NR5A2: variants seen among roughly 807,000 people sequenced by gnomAD.
The protein encoded by NR5A2 is nuclear receptor subfamily 5 group A member 2, also known as CYP7A promoter-binding factor.
A neutral mutation model predicts 62.7 loss-of-function variants in NR5A2; 26 were observed. The observed-to-expected ratio is 0.41, with a 90% CI of 0.30 to 0.58. The LOEUF (loss-of-function observed/expected upper bound fraction) is 0.58, where lower values mean the gene tolerates loss of function less well. NR5A2 is among the 20% of genes least tolerant of loss of function. The pLI, the probability that NR5A2 is intolerant of heterozygous loss-of-function variation, is 0.22. For synonymous variants in NR5A2, 246 were observed against 241.7 expected, an observed-to-expected ratio of 1.02 and a Z score of -0.16; for missense variants, 541 against 669.1, an observed-to-expected ratio of 0.81 and a Z score of 2.11.
At chr1:200,142,494 C>A (rs4915193) in intron 7 of NR5A2, among the ~76,000 whole-genome samples, 43,638 of 151,572 alleles carry the variant, frequency 0.29, 6,518 homozygotes, top group Admixed American at 0.35. Context: ...CTGCGCCCAG[C>A]CTAAAGACTT....
chr1:200,169,574 T>TAATATA (rs1654076199), intron 7 of NR5A2, among the ~76,000 whole-genome samples: 1 of 152,190 alleles, frequency 6.6e-6, no homozygotes, highest in Admixed American at 6.5e-5. Flanking sequence ...AAGGGTTTAC[T>TAATATA]TTCCAATAAG....
chr1:200,128,767 G>A (rs80103828), intron 7 of NR5A2, among the ~76,000 whole-genome samples: 2,253 of 152,178 alleles, frequency 0.015, 65 homozygotes, highest in African/African-American at 0.051. Flanking sequence ...AAGTACAGCC[G>A]TCCGCTTTCC....
intron 7 of NR5A2, among the ~76,000 whole-genome samples, chr1:200,168,554 TA>T: frequency 6.6e-6 from 1 of 152,164 alleles, no homozygotes; most frequent in Non-Finnish European, 1.5e-5. Flanking sequence ...TTGGTAAAAA[TA>T]ACTCTTGGGT....
At chr1:200,104,252 G>A (rs146370538) in intron 5 of NR5A2, among the ~76,000 whole-genome samples, 224 of 152,264 alleles carry the variant, frequency 1.5e-3, no homozygotes, top group Non-Finnish European at 2.3e-3. Context: ...TGACTAGGGC[G>A]TTTTACTGGC....
intron 6 of NR5A2, among the ~76,000 whole-genome samples, chr1:200,116,678 T>A (rs754875416): frequency 2.6e-5 from 4 of 152,194 alleles, no homozygotes; most frequent in Non-Finnish European, 5.9e-5. Context: ...TCTACATAAA[T>A]GTATATTAAA....
At chr1:200,123,421 A>G (rs1571515732) in intron 7 of NR5A2, among the ~76,000 whole-genome samples, 1 of 152,194 alleles carries the variant, frequency 6.6e-6, no homozygotes, top group Non-Finnish European at 1.5e-5. Flanking sequence ...ATACGGCTTG[A>G]GGGAAGCAGC....
Position 200,176,478 on chromosome 1 carries a change from T to C in NR5A2, c.*2268T>C, listed in dbSNP as rs1044505683. ...GCATTACAGAGAACAGCAGCATCAT[T>C]GCCCTCCCCAGCTGAAAAACAAGTT... is the stretch of plus-strand genomic sequence containing the variant. On this transcript the variant is annotated 3_prime_UTR_variant, in exon 8 of 8. Transcript: ENST00000367362. 1 of 152,334 alleles carries C rather than the reference T, an allele frequency of 6.6e-6. No individual in the cohort carries two copies. The highest frequency in any genetic ancestry group is 1.5e-5 in the Non-Finnish European group (1 of 68,012). The allele number at this position is 152,334 out of a possible 1,614,324, so 9.4% of individuals were successfully genotyped here. A position where few individuals can be genotyped will look rare whatever the true frequency, so the allele number is the denominator to read the frequency against.
chr1:200,160,941 A>G (rs12078096), intron 7 of NR5A2, among the ~76,000 whole-genome samples: 1 of 151,908 alleles, frequency 6.6e-6, no homozygotes, highest in African/African-American at 2.4e-5. Context: ...ATGGAAATCA[A>G]ATACAAAGTG....
At chr1:200,118,725 C>A (rs546442283) in intron 6 of NR5A2, among the ~76,000 whole-genome samples, 1 of 152,346 alleles carries the variant, frequency 6.6e-6, no homozygotes, top group Admixed American at 6.5e-5. Context: ...AGCATAGGCA[C>A]CTTTTTAAAG....
chr1:200,073,701 C>A (rs1056430935), intron 5 of NR5A2, among the ~76,000 whole-genome samples: 6 of 150,072 alleles, frequency 4.0e-5, no homozygotes, highest in East Asian at 1.9e-4. Flanking sequence ...ACACACACAC[C>A]ACACACACAC....
chr1:200,061,778 C>T (rs1663231677), intron 5 of NR5A2, among the ~76,000 whole-genome samples: 1 of 152,192 alleles, frequency 6.6e-6, no homozygotes, highest in African/African-American at 2.4e-5. Context: ...ACAGATGTAA[C>T]TGGCCTTTCA....
At chr1:200,128,792 A>G (rs886880965) in intron 7 of NR5A2, among the ~76,000 whole-genome samples, 5 of 152,180 alleles carry the variant, frequency 3.3e-5, no homozygotes, top group Admixed American at 6.5e-5. Flanking sequence ...GGGTTCAATC[A>G]TAACTCGGCT....
rs1558158381 is a variant in NR5A2 at position 200,132,531 on chromosome 1, G to A, written c.1378+11576G>A. On this transcript the variant is annotated intron_variant, in intron 7 of 7. Transcript: ENST00000367362. ...GTTCCACACACATGCTATTCTCCTT[G>A]ATTACATTTTATTAATCAGAAAGCC... Among the ~76,000 whole-genome samples, 2 of 152,030 alleles carry A rather than the reference G, an allele frequency of 1.3e-5. 1 individual carries two copies. Among genetic ancestry groups the A allele is most frequent in the Non-Finnish European group, 2.9e-5 (2 of 68,022 alleles).
Position 200,048,466 on chromosome 1 carries a change from G to T in NR5A2, c.758G>T (p.Gly253Val). The T allele has an allele frequency of 6.2e-7, 1 of 1,614,152 alleles. No homozygotes were observed. Among genetic ancestry groups the T allele is most frequent in the Non-Finnish European group, 8.5e-7 (1 of 1,180,034 alleles). The change falls in exon 5 of 8, where the codon GGC (glycine) becomes GTC (valine). Residue 253 changes from glycine (G) to valine (V), a missense_variant. This residue lies in a region of NR5A2 where 379 missense variants were observed against 442.0 expected (regional missense o/e 0.86). Transcript: ENST00000367362. The surrounding 1 kb of genome is among the most constrained non-coding windows in gnomAD (Gnocchi z 4.8). ...SPISMTMPPHGSLQGYQTYGH... is the reference protein window; with the variant it reads ...SPISMTMPPHVSLQGYQTYGH... ...ATTAGCATGACAATGCCCCCTCACG[G>T]CAGCCTGCAAGGTTACCAAACATAT...
At chr1:200,031,931 A>C (rs1379340338) in intron 1 of NR5A2, among the ~76,000 whole-genome samples, 2 of 152,196 alleles carry the variant, frequency 1.3e-5, no homozygotes, top group African/African-American at 4.8e-5. Flanking sequence ...GGAAGGGAGA[A>C]CAGAGGCTTG....
intron 7 of NR5A2, among the ~76,000 whole-genome samples, chr1:200,157,651 C>T (rs1338676815): frequency 6.6e-6 from 1 of 152,218 alleles, no homozygotes; most frequent in Non-Finnish European, 1.5e-5. Context: ...TATACAAATA[C>T]ATATCCCTGA....
chr1:200,102,959 A>G (rs745358366), intron 5 of NR5A2, among the ~76,000 whole-genome samples: 5 of 152,118 alleles, frequency 3.3e-5, no homozygotes, highest in African/African-American at 4.8e-5. Context: ...TGCTAGGACC[A>G]TGAACTCTTC....
chr1:200,124,451 G>A (rs1224882325), intron 7 of NR5A2, among the ~76,000 whole-genome samples: 2 of 152,214 alleles, frequency 1.3e-5, no homozygotes, highest in Non-Finnish European at 2.9e-5. Context: ...TTGTATCCAT[G>A]AGCAGACATC....
In NR5A2 at chr1:200,089,201, GGTTTT is replaced by G. The variant is rs970085360; in HGVS notation, c.1111-21986_1111-21982del. ...AGCCTCATTTAGTTCTGCAACTTTG[GGTTTT>G]GTTTTGTTTTGTTTGTTTTGTTTTT... is the stretch of plus-strand genomic sequence containing the variant. On this transcript the variant is annotated intron_variant, in intron 5 of 7. Coordinates refer to ENST00000367362, the MANE Select transcript of NR5A2 (RefSeq NM_205860.3). Among the ~76,000 whole-genome samples, 14 of 152,178 alleles carry G rather than the reference GGTTTT, an allele frequency of 9.2e-5. No homozygotes were observed. The South Asian group carries it at 2.1e-3, about 23-fold the overall frequency.
Sources: gnomAD v4.1 joint callset for allele counts (sites outside exome capture counted in the v4.1 genomes callset) on GRCh38, gnomAD v4.1.1 for gene constraint, gnomAD v4.1.1 regional missense constraint, Gnocchi (gnomAD v3.1) non-coding constraint, MANE v1.5 for transcripts, NCBI Gene and HGNC (gene_info 2026-07-23, HGNC 2026-07-21) for gene names.